Variants in MAGI2 observed in about 807,000 individuals in gnomAD.
The protein encoded by MAGI2 is membrane associated guanylate kinase, WW and PDZ domain containing 2.
MAGI2 carries 35 observed loss-of-function variants against 133.3 expected under a neutral mutation model. The observed-to-expected ratio is 0.26, with a 90% CI of 0.20 to 0.35. The LOEUF is 0.35. Among genes scored for constraint, MAGI2 ranks in the 10% least tolerant of loss-of-function variants. The probability of loss-of-function intolerance (pLI) is 1.00; values close to 1 mark genes in which losing one functional copy is unlikely to be tolerated. For missense variants in MAGI2, 1,636 were observed against 1,863.4 expected, an observed-to-expected ratio of 0.88 and a Z score of 2.25; for synonymous variants, 729 against 710.6, an observed-to-expected ratio of 1.03 and a Z score of -0.41.
At chr7:78,758,686 G>A (rs1045907335) in intron 2 of MAGI2, among the ~76,000 whole-genome samples, 15 of 152,150 alleles carry the variant, frequency 9.9e-5, no homozygotes, top group African/African-American at 3.6e-4. Flanking sequence ...TCTACACATT[G>A]CCTCATATCT....
intron 20 of MAGI2, among the ~76,000 whole-genome samples, chr7:78,097,475 A>G (rs78434678): frequency 1.3e-5 from 2 of 152,210 alleles, no homozygotes. Context: ...GTGGAATACC[A>G]TGCAGCCATA....
At chr7:79,246,043 C>T (rs1407528129) in intron 1 of MAGI2, among the ~76,000 whole-genome samples, 1 of 152,172 alleles carries the variant, frequency 6.6e-6, no homozygotes, top group Non-Finnish European at 1.5e-5. Flanking sequence ...AACATATAGA[C>T]CAAGGTGGTA....
chr7:78,472,860 A>G (rs1791363059), intron 6 of MAGI2, among the ~76,000 whole-genome samples: 2 of 152,116 alleles, frequency 1.3e-5, no homozygotes, highest in Non-Finnish European at 2.9e-5. Context: ...GGTGAGCATT[A>G]TAAATTCTAG....
chr7:79,310,641 C>G (rs1245190230), intron 1 of MAGI2, among the ~76,000 whole-genome samples: 1 of 152,114 alleles, frequency 6.6e-6, no homozygotes, highest in African/African-American at 2.4e-5. Context: ...AGCCGGTGAT[C>G]TTGTTTCCTA....
At chr7:79,282,793 G>A (rs1022240106) in intron 1 of MAGI2, among the ~76,000 whole-genome samples, 2 of 152,066 alleles carry the variant, frequency 1.3e-5, no homozygotes, top group African/African-American at 4.8e-5. Flanking sequence ...GGCAAATTGA[G>A]GCAGTTGAGT....
chr7:78,082,701 G>C (rs1222449280), intron 20 of MAGI2, among the ~76,000 whole-genome samples: 2 of 152,252 alleles, frequency 1.3e-5, no homozygotes, highest in African/African-American at 4.8e-5. Flanking sequence ...GGCTGGTGGT[G>C]GTTAGGTAAT....
At chr7:78,393,661 T>G (rs1376731164) in intron 6 of MAGI2, among the ~76,000 whole-genome samples, 1 of 152,064 alleles carries the variant, frequency 6.6e-6, no homozygotes, top group Non-Finnish European at 1.5e-5. Context: ...ATAATGACAG[T>G]AGGTAGAGAG....
chr7:78,745,790 A>G (rs1436544748), intron 2 of MAGI2, among the ~76,000 whole-genome samples: 1 of 152,208 alleles, frequency 6.6e-6, no homozygotes, highest in African/African-American at 2.4e-5. Flanking sequence ...TTACTGGGAT[A>G]CTCAGAAAAT....
At chr7:79,396,336 T>C (rs1241923632) in intron 1 of MAGI2, among the ~76,000 whole-genome samples, 1 of 152,082 alleles carries the variant, frequency 6.6e-6, no homozygotes, top group African/African-American at 2.4e-5. Context: ...AGCAGAGCCA[T>C]AGAACAGAAG....
rs553016465 is a variant in MAGI2, at chr7:79,334,113, T to C, written c.301+118907A>G. Among the ~76,000 whole-genome samples the C allele has an allele frequency of 6.6e-3, 1,010 of 152,260 alleles. 8 individuals are homozygous for C. The highest frequency in any genetic ancestry group is 8.2e-3 in the Non-Finnish European group (559 of 67,992). On this transcript the variant is annotated intron_variant, in intron 1 of 21. Transcript: ENST00000354212. ...ACACCTTTGAGAGGCAGCTGTGACA[T>C]TGGACTGAGGAAAGGACTTGAAGTT...
At chr7:78,762,124 A>G (rs1824569549) in intron 2 of MAGI2, among the ~76,000 whole-genome samples, 1 of 152,226 alleles carries the variant, frequency 6.6e-6, no homozygotes, top group South Asian at 2.1e-4. Context: ...TTTCAGCTTC[A>G]GTAAAATGGA....
chr7:78,885,451 T>C (rs1262813155), intron 2 of MAGI2, among the ~76,000 whole-genome samples: 4 of 152,188 alleles, frequency 2.6e-5, no homozygotes. Context: ...TACACTATCC[T>C]GAGGCTTTAT....
intron 1 of MAGI2, among the ~76,000 whole-genome samples, chr7:79,092,196 G>A (rs190931154): frequency 8.0e-4 from 122 of 152,238 alleles, no homozygotes; most frequent in Admixed American, 1.5e-3. Flanking sequence ...TCAGCTAAGC[G>A]TTTAATCTAA....
At chr7:79,171,770 A>ATTTTTTTTTTTTTTT (rs144599296) in intron 1 of MAGI2, among the ~76,000 whole-genome samples, 1 of 31,220 alleles carries the variant, frequency 3.2e-5, no homozygotes, top group African/African-American at 6.5e-5. Context: ...ATATATATAT[A>ATTTTTTTTTTTTTTT]TTTTTTTTTT....
intron 2 of MAGI2, among the ~76,000 whole-genome samples, chr7:79,003,014 T>C (rs1055373914): frequency 6.6e-6 from 1 of 151,824 alleles, no homozygotes; most frequent in African/African-American, 2.4e-5. Flanking sequence ...ATGGAACAGA[T>C]TGATGGGCTT....
In MAGI2 at chr7:78,117,414, T is replaced by C. The variant is rs114682702; in HGVS notation, c.3567+8280A>G. On this transcript the variant is annotated intron_variant, in intron 20 of 21. Transcript: ENST00000354212. ...ATATGATTAATCATATTAATTACCATATAAAAGAAAAAGATCAGATGGTAT... is the reference window on the plus strand; with the variant it reads ...ATATGATTAATCATATTAATTACCACATAAAAGAAAAAGATCAGATGGTAT... Among the ~76,000 whole-genome samples, 1,257 of 151,950 alleles carry C rather than the reference T, an allele frequency of 8.3e-3. 12 individuals carry two copies. The highest frequency in any genetic ancestry group is 0.027 in the African/African-American group (1,129 of 41,462).
intron 9 of MAGI2, among the ~76,000 whole-genome samples, chr7:78,322,762 A>G (rs1788141176): frequency 6.6e-6 from 1 of 152,190 alleles, no homozygotes; most frequent in Non-Finnish European, 1.5e-5. Context: ...TGTATAAAAA[A>G]AAATTAGGTG....
chr7:79,431,248 A>G (rs1400197087), intron 1 of MAGI2, among the ~76,000 whole-genome samples: 3 of 152,232 alleles, frequency 2.0e-5, no homozygotes, highest in African/African-American at 7.2e-5. Context: ...CTAGAAATGC[A>G]ATATTTATAA....
chr7:78,500,010 A>G (rs1794476337), intron 5 of MAGI2, among the ~76,000 whole-genome samples: 1 of 152,256 alleles, frequency 6.6e-6, no homozygotes, highest in African/African-American at 2.4e-5. Flanking sequence ...TACAGCAATA[A>G]GAAATAATGT....
Sources: allele counts gnomAD v4.1 joint callset (sites outside exome capture counted in the v4.1 genomes callset), GRCh38; gene constraint gnomAD v4.1.1; transcripts MANE v1.5; gene names NCBI Gene and HGNC (gene_info 2026-07-23, HGNC 2026-07-21).